Variants in CACNA1A observed in about 807,000 individuals in gnomAD.
CACNA1A encodes the protein voltage-dependent P/Q-type calcium channel subunit alpha-1A.
A neutral mutation model predicts 262.4 loss-of-function variants in CACNA1A; 57 were observed. The ratio of observed to expected loss-of-function variants is 0.22; its 90% CI spans 0.18 to 0.27. CACNA1A has a LOEUF of 0.27. CACNA1A is among the 10% of genes least tolerant of loss of function. CACNA1A has a pLI of 1.00. For missense variants in CACNA1A, 2,526 were observed against 3,562.8 expected, an observed-to-expected ratio of 0.71 and a Z score of 7.41; for synonymous variants, 1,431 against 1,419.3, an observed-to-expected ratio of 1.01 and a Z score of -0.18.
At chr19:13,296,953 C>G (rs1285758373) in intron 19 of CACNA1A, among the ~76,000 whole-genome samples, 1 of 150,594 alleles carries the variant, frequency 6.6e-6, no homozygotes, top group East Asian at 2.0e-4. Context: ...GAGATGGGGT[C>G]TGCCTCTATT....
intron 2 of CACNA1A, among the ~76,000 whole-genome samples, chr19:13,453,550 AC>A (rs2060954144): frequency 6.6e-6 from 1 of 152,076 alleles, no homozygotes; most frequent in East Asian, 1.9e-4. Flanking sequence ...CCTAAATCTG[AC>A]CCCTTAGGAT....
At chr19:13,289,641 A>AT (rs1240321559) in intron 19 of CACNA1A, among the ~76,000 whole-genome samples, 1 of 152,132 alleles carries the variant, frequency 6.6e-6, no homozygotes, top group African/African-American at 2.4e-5. Flanking sequence ...CCTGACCCAT[A>AT]ACATGCGGGC....
intron 38 of CACNA1A, among the ~76,000 whole-genome samples, chr19:13,217,741 G>C (rs1397209666): frequency 6.6e-6 from 1 of 152,120 alleles, no homozygotes; most frequent in Admixed American, 6.6e-5. Context: ...AGGTGTCATA[G>C]AAGCTGGGGT....
chr19:13,303,807 C>T lies in CACNA1A; in HGVS notation c.2064G>A (p.Val688=). Residue 688 remains valine (V), a synonymous_variant, in exon 16 of 47, where the codon GTG becomes GTA. Transcript: ENST00000360228. ...TCAGTACAATGAAATAGATGGAGAA[C>T]ACCATGCCGCCCTGCACGCCCCCCT... The part of the protein sequence containing the change: ...KSQGGVQGGM[V]FSIYFIVLTL... 6.2e-7 allele frequency: 1 copy of T among 1,613,534 alleles called. No homozygotes were observed. Among genetic ancestry groups the T allele is most frequent in the Non-Finnish European group, 8.5e-7 (1 of 1,179,570 alleles).
chr19:13,407,971 C>T (rs1007323321), intron 3 of CACNA1A, among the ~76,000 whole-genome samples: 15 of 152,092 alleles, frequency 9.9e-5, no homozygotes, highest in Non-Finnish European at 1.9e-4. Context: ...GTAGCACTCC[C>T]CCCCTCACTC....
At chr19:13,328,556 C>A (rs2058408163) in intron 10 of CACNA1A, among the ~76,000 whole-genome samples, 1 of 152,146 alleles carries the variant, frequency 6.6e-6, no homozygotes, top group Non-Finnish European at 1.5e-5. Context: ...CTCAGAATGG[C>A]TCTTTGAATA....
intron 3 of CACNA1A, among the ~76,000 whole-genome samples, chr19:13,377,149 T>G (rs974873451): frequency 6.6e-6 from 1 of 151,082 alleles, no homozygotes; most frequent in African/African-American, 2.4e-5. Flanking sequence ...TTTAGTAGAG[T>G]TGGGGTTTCA....
rs1469173694 is a variant in CACNA1A, at chr19:13,476,048, CATCTTGGCTCAGACTGAAG to C, written c.294-20855_294-20837del. Among the ~76,000 whole-genome samples the C allele has an allele frequency of 6.6e-5, 10 of 152,268 alleles. No homozygotes were observed. In the East Asian group the frequency reaches 1.9e-3, roughly 29 times the overall value. Reference sequence around the variant, plus strand: ...CTTCTTGTTCTTCCTCTGAAGCTGCCATCTTGGCTCAGACTGAAGGTCCAACAAATGCTAGTTGGTGCAA... The same window carrying C: ...CTTCTTGTTCTTCCTCTGAAGCTGCCGTCCAACAAATGCTAGTTGGTGCAA... On this transcript the variant is annotated intron_variant, in intron 1 of 46. Coordinates refer to ENST00000360228, the MANE Select transcript of CACNA1A (RefSeq NM_001127222.2).
chr19:13,447,899 G>A (rs1003061180), intron 3 of CACNA1A, among the ~76,000 whole-genome samples: 1 of 152,120 alleles, frequency 6.6e-6, no homozygotes, highest in Non-Finnish European at 1.5e-5. Flanking sequence ...CAGATTGGGG[G>A]TGAGTCTGCC....
At chr19:13,452,849 C>A (rs1212280130) in intron 3 of CACNA1A, 27 bp downstream of exon 3, 1 of 1,600,094 alleles carries the variant, frequency 6.2e-7, no homozygotes, top group Non-Finnish European at 8.5e-7. Context: ...CTAGTTAAAT[C>A]CAAAGCGTAT....
chr19:13,299,215 G>A lies in CACNA1A; in HGVS notation c.2418C>T (p.Ala806=), dbSNP rs1185161332. The A allele has an allele frequency of 1.9e-6, 3 of 1,611,724 alleles. No homozygotes were observed. Among genetic ancestry groups the A allele is most frequent in the South Asian group, 1.1e-5 (1 of 91,090 alleles). ...EMDPDERWKA[A]YTRHLRPDMK... ...TGTCTGGCCGCAGGTGCCGCGTGTA[G>A]GCAGCCTTCCAGCGCTCGTCCGGGT... Residue 806 remains alanine, a synonymous_variant, in exon 19 of 47, where the codon GCC becomes GCT. Coordinates refer to ENST00000360228, the MANE Select transcript of CACNA1A (RefSeq NM_001127222.2).
chr19:13,263,607 C>T (rs1264975170), intron 24 of CACNA1A: 1 of 152,324 alleles, frequency 6.6e-6, no homozygotes, highest in Non-Finnish European at 1.5e-5. Context: ...GCAACCTCCA[C>T]CTCCCAGGTT....
At chr19:13,224,973 A>G (rs1377174031) in intron 37 of CACNA1A, 2 of 523,618 alleles carry the variant, frequency 3.8e-6, no homozygotes, top group South Asian at 2.5e-5. Flanking sequence ...GCTCTCTTGT[A>G]CTTCTGGTCC....
At chr19:13,228,885 G>T (rs908373522) in intron 36 of CACNA1A, 22 of 645,840 alleles carry the variant, frequency 3.4e-5, no homozygotes, top group Non-Finnish European at 5.9e-5. Context: ...CGAGGCTGGG[G>T]TGTCCCTGGC....
At chr19:13,475,110 G>A (rs1978367816) in intron 1 of CACNA1A, among the ~76,000 whole-genome samples, 1 of 152,152 alleles carries the variant, frequency 6.6e-6, no homozygotes, top group Non-Finnish European at 1.5e-5. Flanking sequence ...CAAACCTATT[G>A]AGCCCTTATA....
At chr19:13,348,633 C>G (rs375360631) in intron 6 of CACNA1A, among the ~76,000 whole-genome samples, 4 of 152,268 alleles carry the variant, frequency 2.6e-5, no homozygotes, top group South Asian at 4.2e-4. Flanking sequence ...CTCAGGAGAT[C>G]GAGACCATCC....
intron 15 of CACNA1A, among the ~76,000 whole-genome samples, chr19:13,305,406 T>G (rs909196963): frequency 6.6e-6 from 1 of 152,182 alleles, no homozygotes; most frequent in Admixed American, 6.5e-5. Context: ...CAAGGGGATA[T>G]TCAAACAGCA....
chr19:13,497,574 ATAT>A lies in CACNA1A; in HGVS notation c.293+8355_293+8357del, dbSNP rs1568710139. On this transcript the variant is annotated intron_variant, in intron 1 of 46. Transcript: ENST00000360228. Reference sequence around the variant, plus strand: ...TATATATATATATATATATATATATATATATAAATTTATGTTGTTAAAGCTGGG... The same window carrying A: ...TATATATATATATATATATATATATAATAAATTTATGTTGTTAAAGCTGGG... Among the ~76,000 whole-genome samples the A allele has an allele frequency of 3.9e-3, 161 of 40,764 alleles. 36 individuals carry two copies. Among genetic ancestry groups the A allele is most frequent in the Non-Finnish European group, 4.3e-3 (98 of 22,566 alleles). The allele number at this position is 40,764 out of a possible 152,430, so 26.7% of individuals were successfully genotyped here. A position where few individuals can be genotyped will look rare whatever the true frequency, so the allele number is the denominator to read the frequency against.
intron 3 of CACNA1A, among the ~76,000 whole-genome samples, chr19:13,417,109 C>T (rs2060237208): frequency 6.6e-6 from 1 of 152,160 alleles, no homozygotes; most frequent in South Asian, 2.1e-4. Flanking sequence ...CACCCTCTCC[C>T]CAAGGGGGCA....
Sources: allele counts gnomAD v4.1 joint callset (sites outside exome capture counted in the v4.1 genomes callset), GRCh38; gene constraint gnomAD v4.1.1; transcripts MANE v1.5; gene names NCBI Gene and HGNC (gene_info 2026-07-23, HGNC 2026-07-21).